Variants in SLC9C1 observed in about 807,000 individuals in gnomAD.
SLC9C1 encodes the protein sodium/hydrogen exchanger 10.
Under a neutral mutation model 140.9 loss-of-function variants are expected in SLC9C1, and 97 were observed. The observed-to-expected ratio is 0.69, with a 90% CI of 0.58 to 0.82. The LOEUF is 0.82. Among genes scored for constraint, SLC9C1 ranks in the 40% least tolerant of loss-of-function variants. The pLI, the probability that SLC9C1 is intolerant of heterozygous loss-of-function variation, is 0.00. For missense variants in SLC9C1, 1,340 were observed against 1,389.3 expected (o/e 0.96, Z 0.56); for synonymous variants, 440 against 442.6 (o/e 0.99, Z 0.07).
In SLC9C1 at chr3:112,208,403, T is replaced by C. The variant is rs781545105; in HGVS notation, c.1791-30A>G. The C allele has an allele frequency of 3.6e-6, 5 of 1,405,370 alleles. No homozygotes were observed. In the East Asian group the frequency reaches 1.2e-4, roughly 33 times the overall value. The allele number at this position is 1,405,370 out of a possible 1,614,324, so 87.1% of individuals were successfully genotyped here. On this transcript the variant is annotated intron_variant, in intron 15 of 28. Transcript: ENST00000305815. The stretch of plus-strand genomic sequence containing the variant: ...AAAACAAAAAGACAGTTTTATCTGA[T>C]AAAAGGTTTACATTAAATGATTTTC...
At chr3:112,234,806 C>T (rs1381403459) in intron 12 of SLC9C1, among the ~76,000 whole-genome samples, 5 of 152,106 alleles carry the variant, frequency 3.3e-5, no homozygotes, top group Non-Finnish European at 7.4e-5. Flanking sequence ...GGTATTATTT[C>T]TGAGGACTCT....
In SLC9C1 at chr3:112,252,103, C is replaced by T. The variant is rs147829693; in HGVS notation, c.1198-8027G>A. ...GTGTTTTCTGGGTTGCAGTGGTTCC[C>T]AGCCTCCCTGGGATGGAGGTCCCTG... On this transcript the variant is annotated intron_variant, in intron 10 of 28. Coordinates refer to ENST00000305815, the MANE Select transcript of SLC9C1 (RefSeq NM_183061.3). Among the ~76,000 whole-genome samples, 10 of 152,128 alleles carry T rather than the reference C, an allele frequency of 6.6e-5. No homozygotes were observed. In the East Asian group the frequency reaches 1.6e-3, roughly 24 times the overall value.
intron 23 of SLC9C1, among the ~76,000 whole-genome samples, chr3:112,176,780 T>C (rs2077344725): frequency 6.6e-6 from 1 of 152,152 alleles, no homozygotes; most frequent in Admixed American, 6.5e-5. Context: ...TCTAAGACAG[T>C]GTAACTTGTC....
intron 20 of SLC9C1, among the ~76,000 whole-genome samples, chr3:112,182,560 T>C (rs556157972): frequency 6.6e-6 from 1 of 152,280 alleles, no homozygotes; most frequent in South Asian, 2.1e-4. Flanking sequence ...TGGTACCTCT[T>C]AGGTAGTTTT....
At chr3:112,267,379 C>T (rs1228054228) in intron 7 of SLC9C1, among the ~76,000 whole-genome samples, 1 of 151,544 alleles carries the variant, frequency 6.6e-6, no homozygotes, top group Non-Finnish European at 1.5e-5. Flanking sequence ...GATTGAGACC[C>T]TCCTGGCTAA....
intron 20 of SLC9C1, among the ~76,000 whole-genome samples, chr3:112,191,887 C>T (rs1377521620): frequency 6.6e-6 from 1 of 152,024 alleles, no homozygotes; most frequent in East Asian, 1.9e-4. Flanking sequence ...TCCTAATATG[C>T]AATGTCCCTT....
In SLC9C1 at chr3:112,179,573, A is replaced by AT. The variant is rs1322485432; in HGVS notation, c.2876dup (p.Asn959LysfsTer2). The AT allele has an allele frequency of 2.0e-5, 33 of 1,610,486 alleles. No homozygotes were observed. Among genetic ancestry groups the AT allele is most frequent in the Admixed American group, 5.0e-5 (3 of 59,408 alleles). On this transcript the variant is annotated frameshift_variant, in exon 23 of 29. Transcript: ENST00000305815. LOFTEE classifies it high-confidence loss of function. ...AGGTGGCAGAATATTTCATAGGTTC[A>AT]TTAGTTAAGCAGTTTATCTCTCCTA...
chr3:112,200,850 A>G, intron 18 of SLC9C1, 88 bp from the exon 19 acceptor site: 1 of 1,168,968 alleles, frequency 8.6e-7, no homozygotes. Context: ...TTTTTAACCT[A>G]AGTTAATAGT....
chr3:112,168,064 C>T lies in SLC9C1; in HGVS notation c.3238-717G>A, dbSNP rs570132709. Reference sequence around the variant, plus strand: ...CTTTTTTCTTATGTCCAAAATCTACCCTGTAAGTGCTTTTATCCTAGCTGT... The same window carrying T: ...CTTTTTTCTTATGTCCAAAATCTACTCTGTAAGTGCTTTTATCCTAGCTGT... On this transcript the variant is annotated intron_variant, in intron 25 of 28. Transcript: ENST00000305815. Among the ~76,000 whole-genome samples, 15 of 152,174 alleles carry T rather than the reference C, an allele frequency of 9.9e-5. No homozygotes were observed. The South Asian group carries it at 3.1e-3, about 32-fold the overall frequency.
chr3:112,277,605 G>T, intron 5 of SLC9C1, 90 bp downstream of exon 5: 1 of 1,182,138 alleles, frequency 8.5e-7, no homozygotes, highest in Non-Finnish European at 1.1e-6. Context: ...TTCTCACAGT[G>T]AAAAGCTACC....
In SLC9C1 at chr3:112,168,877, C is replaced by T. The variant is rs2077191750; in HGVS notation, c.3237G>A (p.Gln1079=). Reference sequence around the variant, plus strand: ...AAGACAGGAATCAATATTTCTTTACCTGATGGCATGTTATAGGAATTAAGA... The same window carrying T: ...AAGACAGGAATCAATATTTCTTTACTTGATGGCATGTTATAGGAATTAAGA... ...APFLIPITCH[Q]IQSIEDFTKV... The change falls in exon 25 of 29, where the codon CAG becomes CAA. Residue 1079 remains glutamine (Q), a splice_region_variant and synonymous_variant. Transcript: ENST00000305815. 10 of 1,577,660 alleles carry T rather than the reference C, an allele frequency of 6.3e-6. No homozygotes were observed. The highest frequency in any genetic ancestry group is 1.4e-5 in the African/African-American group (1 of 73,364).
intron 23 of SLC9C1, among the ~76,000 whole-genome samples, chr3:112,175,920 G>A (rs1026801419): frequency 2.0e-5 from 3 of 152,190 alleles, no homozygotes; most frequent in African/African-American, 7.2e-5. Flanking sequence ...CCAAGCCAGT[G>A]GGTCTTATCA....
At chr3:112,274,876 A>AT (rs765933991) in intron 6 of SLC9C1, 21 bp downstream of exon 6, 6 of 1,516,820 alleles carry the variant, frequency 4.0e-6, no homozygotes, top group South Asian at 2.7e-5. Flanking sequence ...GTTGAGAAAA[A>AT]TTTTTTAAAA....
chr3:112,199,031 A>G (rs1243434355), intron 20 of SLC9C1, among the ~76,000 whole-genome samples: 2 of 151,060 alleles, frequency 1.3e-5, no homozygotes, highest in Non-Finnish European at 3.0e-5. Flanking sequence ...CCCAAACATA[A>G]TAATACCCAC....
At chr3:112,284,512 A>G (rs2080448204) in intron 2 of SLC9C1, among the ~76,000 whole-genome samples, 1 of 152,232 alleles carries the variant, frequency 6.6e-6, no homozygotes, top group Non-Finnish European at 1.5e-5. Flanking sequence ...AGAATGTTAC[A>G]GAAGATAAAG....
chr3:112,158,978 A>G (rs1576226696), intron 26 of SLC9C1, among the ~76,000 whole-genome samples: 1 of 151,680 alleles, frequency 6.6e-6, no homozygotes, highest in Non-Finnish European at 1.5e-5. Context: ...AACTTTTAAA[A>G]TCATTATTAT....
At position 112,142,016 on chromosome 3, in the gene SLC9C1, G is replaced by A. The variant is rs141608144; in HGVS notation, c.3525-735C>T. On this transcript the variant is annotated intron_variant, in intron 28 of 28. Coordinates refer to ENST00000305815, the MANE Select transcript of SLC9C1 (RefSeq NM_183061.3). ...CGTTGTTAGACACTTGGGCTCTTTC[G>A]TCATTAGAAGTAGTAGTGCCTTGGA... is the stretch of plus-strand genomic sequence containing the variant. 4.9e-4 allele frequency among the ~76,000 whole-genome samples: 75 copies of A among 152,166 alleles called. No homozygotes were observed. The East Asian group carries it at 0.012, about 24-fold the overall frequency.
chr3:112,204,408 T>C lies in SLC9C1; in HGVS notation c.1987-5A>G. The stretch of plus-strand genomic sequence containing the variant: ...GTCCTTCCTCATTGCTGCTATCTGT[T>C]GATTTAAAAGGAAATTACATTATCA... On this transcript the variant is annotated splice_polypyrimidine_tract_variant and splice_region_variant and intron_variant, in intron 16 of 28. Coordinates refer to ENST00000305815, the MANE Select transcript of SLC9C1 (RefSeq NM_183061.3). 6.4e-7 allele frequency: 1 copy of C among 1,554,652 alleles called. No individual in the cohort carries two copies. Among genetic ancestry groups the C allele is most frequent in the Non-Finnish European group, 8.6e-7 (1 of 1,160,360 alleles).
intron 18 of SLC9C1, 68 bp from the exon 19 acceptor site, chr3:112,200,830 A>G (rs1255786028): frequency 8.1e-6 from 11 of 1,354,510 alleles, no homozygotes; most frequent in Non-Finnish European, 1.0e-5. Flanking sequence ...TTACATTTGC[A>G]ACTGATGGAT....
Sources: gnomAD v4.1 joint callset for allele counts (sites outside exome capture counted in the v4.1 genomes callset) on GRCh38, gnomAD v4.1.1 for gene constraint, MANE v1.5 for transcripts, NCBI Gene and HGNC (gene_info 2026-07-23, HGNC 2026-07-21) for gene names.